Variants in ENOX1 observed in about 807,000 individuals in gnomAD.
ENOX1 encodes ecto-NOX disulfide-thiol exchanger 1, also known as candidate growth-related and time keeping constitutive hydroquinone (NADH) oxidase.
In ENOX1, 42 loss-of-function variants were observed where a neutral mutation model predicts 82.5. The observed-to-expected ratio is 0.51, with a 90% CI of 0.40 to 0.66. The LOEUF (loss-of-function observed/expected upper bound fraction) is 0.66, where lower values mean the gene tolerates loss of function less well. ENOX1 is among the 30% of genes least tolerant of loss of function. The pLI is 0.00. For synonymous variants in ENOX1, 271 were observed against 282.2 expected, an observed-to-expected ratio of 0.96 and a Z score of 0.40; for missense variants, 608 against 811.6, an observed-to-expected ratio of 0.75 and a Z score of 3.05.
intron 2 of ENOX1, among the ~76,000 whole-genome samples, chr13:43,525,163 A>G (rs1051295962): frequency 6.6e-6 from 1 of 152,158 alleles, no homozygotes; most frequent in Non-Finnish European, 1.5e-5. Context: ...GTGCAGTAGC[A>G]GTCATTGCAT....
At chr13:43,761,021 A>C (rs1170602172) in intron 1 of ENOX1, among the ~76,000 whole-genome samples, 1 of 152,102 alleles carries the variant, frequency 6.6e-6, no homozygotes, top group Non-Finnish European at 1.5e-5. Context: ...TGGGATATGA[A>C]AAAGGCAAGT....
chr13:43,397,454 C>A (rs948083308), intron 5 of ENOX1, among the ~76,000 whole-genome samples: 2 of 152,186 alleles, frequency 1.3e-5, no homozygotes, highest in Non-Finnish European at 2.9e-5. Context: ...TATTGAGGCT[C>A]ATTTTTCCTG....
chr13:43,286,106 G>T (rs1259266997), intron 12 of ENOX1, among the ~76,000 whole-genome samples: 1 of 152,182 alleles, frequency 6.6e-6, no homozygotes, highest in African/African-American at 2.4e-5. Context: ...CCATGTTGCT[G>T]GCAGGGTTCA....
At chr13:43,708,865 A>G (rs2087497129) in intron 1 of ENOX1, among the ~76,000 whole-genome samples, 2 of 152,338 alleles carry the variant, frequency 1.3e-5, no homozygotes, top group South Asian at 4.1e-4. Flanking sequence ...AGGGTTAGGC[A>G]AAACAAAACA....
intron 2 of ENOX1, among the ~76,000 whole-genome samples, chr13:43,569,940 A>G (rs1321265612): frequency 6.6e-6 from 1 of 152,194 alleles, no homozygotes; most frequent in Non-Finnish European, 1.5e-5. Context: ...GTTCCCATAA[A>G]TATTTCTATA....
chr13:43,606,488 C>A (rs2081980488), intron 2 of ENOX1, among the ~76,000 whole-genome samples: 1 of 152,118 alleles, frequency 6.6e-6, no homozygotes, highest in African/African-American at 2.4e-5. Flanking sequence ...ATCCTGTCAT[C>A]TGCAACAAAA....
intron 2 of ENOX1, among the ~76,000 whole-genome samples, chr13:43,523,305 G>A (rs977521346): frequency 2.0e-5 from 3 of 152,150 alleles, no homozygotes; most frequent in African/African-American, 7.2e-5. Context: ...CAAAGCCTGA[G>A]TTGTTATTTT....
chr13:43,290,346 T>G (rs1228534107), intron 12 of ENOX1, among the ~76,000 whole-genome samples: 1 of 151,548 alleles, frequency 6.6e-6, no homozygotes, highest in Non-Finnish European at 1.5e-5. Context: ...AATGATAAAT[T>G]TGATAAGGAA....
intron 3 of ENOX1, among the ~76,000 whole-genome samples, chr13:43,456,402 G>A (rs2057231578): frequency 6.6e-6 from 1 of 151,990 alleles, no homozygotes; most frequent in Non-Finnish European, 1.5e-5. Flanking sequence ...AAAACAGTGG[G>A]TCTAGTTTCC....
chr13:43,226,507 C>G (rs1218980175), intron 15 of ENOX1, among the ~76,000 whole-genome samples: 1 of 152,206 alleles, frequency 6.6e-6, no homozygotes, highest in Non-Finnish European at 1.5e-5. Flanking sequence ...ACTGTACTAT[C>G]AAATACTGGA....
At chr13:43,429,844 A>G (rs1254370251) in intron 3 of ENOX1, among the ~76,000 whole-genome samples, 1 of 152,252 alleles carries the variant, frequency 6.6e-6, no homozygotes, top group Non-Finnish European at 1.5e-5. Context: ...CAAAAATAAG[A>G]TTATATGAGG....
At chr13:43,740,356 T>C (rs2089843632) in intron 1 of ENOX1, among the ~76,000 whole-genome samples, 1 of 152,206 alleles carries the variant, frequency 6.6e-6, no homozygotes, top group South Asian at 2.1e-4. Flanking sequence ...TACCTTTTTT[T>C]TTTAACACCT....
At chr13:43,471,038 G>A (rs1324890697) in intron 3 of ENOX1, among the ~76,000 whole-genome samples, 3 of 152,116 alleles carry the variant, frequency 2.0e-5, no homozygotes, top group African/African-American at 7.2e-5. Context: ...GAAGACCTAT[G>A]CCCTCAAAAA....
At chr13:43,347,370 G>C (rs1336843062) in intron 8 of ENOX1, among the ~76,000 whole-genome samples, 1 of 152,152 alleles carries the variant, frequency 6.6e-6, no homozygotes. Flanking sequence ...GAGGAATATA[G>C]TTTCAAAGAC....
intron 2 of ENOX1, among the ~76,000 whole-genome samples, chr13:43,496,960 CA>C (rs537003999): frequency 4.2e-4 from 64 of 151,818 alleles, no homozygotes; most frequent in African/African-American, 9.9e-4. Flanking sequence ...TAATTTCCAC[CA>C]AAAAAACATA....
intron 3 of ENOX1, among the ~76,000 whole-genome samples, chr13:43,469,218 T>C (rs1008858791): frequency 1.5e-4 from 23 of 152,304 alleles, no homozygotes; most frequent in Admixed American, 1.1e-3. Flanking sequence ...TTTACTAAGA[T>C]GATTGTATGT....
intron 1 of ENOX1, among the ~76,000 whole-genome samples, chr13:43,744,079 A>C (rs1949895248): frequency 6.6e-6 from 1 of 152,210 alleles, no homozygotes; most frequent in Non-Finnish European, 1.5e-5. Flanking sequence ...TGGGGCTTCC[A>C]ACACATGATC....
intron 2 of ENOX1, among the ~76,000 whole-genome samples, chr13:43,489,333 T>C (rs2076539624): frequency 6.6e-6 from 1 of 152,134 alleles, no homozygotes; most frequent in Non-Finnish European, 1.5e-5. Flanking sequence ...TCCCCAGCTG[T>C]GGCTTGAGTG....
In ENOX1 at chr13:43,470,404, A is replaced by G. The variant is rs1373276717; in HGVS notation, c.-75+13605T>C. ...TATATATACGTATATATATGTGTAT[A>G]TATATATATATATAACAGAGATAAC... On this transcript the variant is annotated intron_variant, in intron 3 of 16. Coordinates refer to ENST00000690772, the MANE Select transcript of ENOX1 (RefSeq NM_001347969.2). Among the ~76,000 whole-genome samples the G allele has an allele frequency of 3.0e-5, 4 of 132,706 alleles. No homozygotes were observed. In the East Asian group the frequency reaches 8.3e-4, roughly 28 times the overall value. 87.1% of individuals were successfully genotyped at this position (132,706 alleles called of 152,430 possible).
Sources: gnomAD v4.1 joint callset for allele counts (sites outside exome capture counted in the v4.1 genomes callset) on GRCh38, gnomAD v4.1.1 for gene constraint, MANE v1.5 for transcripts, NCBI Gene and HGNC (gene_info 2026-07-23, HGNC 2026-07-21) for gene names.